CCDC190: variants seen among roughly 807,000 people sequenced by gnomAD.
CCDC190 encodes the protein coiled-coil domain containing 190.
In CCDC190, 10 loss-of-function variants were observed where a neutral mutation model predicts 13.1. The ratio of observed to expected loss-of-function variants is 0.77; its 90% CI spans 0.47 to 1.30. The LOEUF (loss-of-function observed/expected upper bound fraction) is 1.30. Among genes scored for constraint, CCDC190 ranks in the 50% most tolerant of loss-of-function variants. The pLI, the probability that CCDC190 is intolerant of heterozygous loss-of-function variation, is 0.00. For missense variants in CCDC190, 375 were observed against 354.3 expected (o/e 1.06, Z -0.47); for synonymous variants, 136 against 127.2 (o/e 1.07, Z -0.47).
Position 162,853,195 on chromosome 1 carries a change from G to GT in CCDC190, c.*1569dup. 1 of 1,522,568 alleles carries GT rather than the reference G, an allele frequency of 6.6e-7. No homozygotes were observed. Among genetic ancestry groups the GT allele is most frequent in the South Asian group, 1.2e-5 (1 of 80,328 alleles). 94.3% of individuals were successfully genotyped at this position (1,522,568 alleles called of 1,614,324 possible). On this transcript the variant is annotated 3_prime_UTR_variant, in exon 4 of 4. Coordinates refer to ENST00000367912, the MANE Select transcript of CCDC190 (RefSeq NM_001394065.1). ...ACTGACTCTCAAATGTTTGATCTAA[G>GT]TTTTTGTCTTCAGATAGGTGGTAGT... is the stretch of plus-strand genomic sequence containing the variant.
chr1:162,868,534 C>G (rs572741141), intron 1 of CCDC190: 9 of 100,250 alleles, frequency 9.0e-5, no homozygotes, highest in Admixed American at 7.5e-4. Flanking sequence ...CCTGCAGGAC[C>G]CGGGAGAACA....
In CCDC190 at chr1:162,852,821, G is replaced by T. The variant is rs1176902844; in HGVS notation, c.*1944C>A. On this transcript the variant is annotated 3_prime_UTR_variant, in exon 4 of 4. Transcript: ENST00000367912. ...GCTGTGAGAGCTAGTACAGTGAAAA[G>T]ACCCACTTAGCAGTGACAAACCATT... is the stretch of plus-strand genomic sequence containing the variant. 5 of 367,208 alleles carry T rather than the reference G, an allele frequency of 1.4e-5. No individual in the cohort carries two copies. Among genetic ancestry groups the T allele is most frequent in the Non-Finnish European group, 2.5e-5 (5 of 199,274 alleles). The allele number at this position is 367,208 out of a possible 1,614,324, so 22.7% of individuals were successfully genotyped here.
chr1:162,864,030 A>C (rs1399233868), upstream of CCDC190, among the ~76,000 whole-genome samples: 2 of 126,720 alleles, frequency 1.6e-5, no homozygotes, highest in African/African-American at 2.7e-5. Context: ...AAAAAATATC[A>C]ATGAATCTCA....
chr1:162,858,774 T>C (rs1403164865), intron 2 of CCDC190, among the ~76,000 whole-genome samples: 1 of 152,236 alleles, frequency 6.6e-6, no homozygotes, highest in East Asian at 1.9e-4. Context: ...AACTAGTTTC[T>C]ACAGACTGTA....
At chr1:162,855,794 G>T in intron 2 of CCDC190, 39 bp from the exon 3 acceptor site, 1 of 1,548,750 alleles carries the variant, frequency 6.5e-7, no homozygotes, top group East Asian at 2.4e-5. Flanking sequence ...GAGTTGGATT[G>T]TGTCCTTAAA....
At chr1:162,861,904 G>A (rs769601759), upstream of CCDC190, among the ~76,000 whole-genome samples, 3 of 152,048 alleles carry the variant, frequency 2.0e-5, no homozygotes, top group Admixed American at 2.0e-4. Context: ...GAGGCAGGCA[G>A]CTAAACAGGC....
rs183587039 is a variant in CCDC190 at position 162,857,706 on chromosome 1, C to T, written c.187+1754G>A. ...ATCTTAGCTAAATTCCTTTGATAGA[C>T]ACAGGAACCTTTTTATGTTCCTGCC... is the stretch of plus-strand genomic sequence containing the variant. On this transcript the variant is annotated intron_variant, in intron 2 of 3. Coordinates refer to ENST00000367912, the MANE Select transcript of CCDC190 (RefSeq NM_001394065.1). Among the ~76,000 whole-genome samples the T allele has an allele frequency of 2.7e-3, 408 of 152,256 alleles. 6 individuals are homozygous for T. The highest frequency in any genetic ancestry group is 9.2e-3 in the African/African-American group (384 of 41,534).
chr1:162,857,767 A>C (rs60452984), intron 2 of CCDC190, among the ~76,000 whole-genome samples: 97 of 152,292 alleles, frequency 6.4e-4, no homozygotes, highest in African/African-American at 2.3e-3. Context: ...AGTTTTGATC[A>C]TCATTTTTTA....
chr1:162,856,930 G>A (rs1174729112), intron 2 of CCDC190, among the ~76,000 whole-genome samples: 1 of 152,090 alleles, frequency 6.6e-6, no homozygotes, highest in East Asian at 1.9e-4. Flanking sequence ...CTCCCAGCAA[G>A]ATCTGTTTTC....
chr1:162,856,521 C>T (rs780916633), intron 2 of CCDC190, among the ~76,000 whole-genome samples: 26 of 152,198 alleles, frequency 1.7e-4, no homozygotes, highest in Non-Finnish European at 3.2e-4. Context: ...AACTGCCAGC[C>T]GTGACTAAGT....
upstream of CCDC190, among the ~76,000 whole-genome samples, chr1:162,861,411 C>A (rs1558113546): frequency 1.3e-5 from 2 of 151,910 alleles, no homozygotes; most frequent in African/African-American, 2.4e-5. Context: ...ATCTCTCTCT[C>A]TCCTACCCTT....
upstream of CCDC190, among the ~76,000 whole-genome samples, chr1:162,865,647 T>C (rs1181373466): frequency 3.3e-5 from 5 of 152,186 alleles, no homozygotes; most frequent in African/African-American, 4.8e-5. Context: ...CAACATGATT[T>C]AACCATATTA....
In CCDC190 at chr1:162,853,161, G is replaced by C; in HGVS notation, c.*1604C>G. 1 of 1,543,766 alleles carries C rather than the reference G, an allele frequency of 6.5e-7. No individual in the cohort carries two copies. Among genetic ancestry groups the C allele is most frequent in the Non-Finnish European group, 8.7e-7 (1 of 1,143,526 alleles). ...CTCCCCATTGAAGGCCAGAGGCTGG[G>C]CTGATGAAACTGACTCTCAAATGTT... On this transcript the variant is annotated 3_prime_UTR_variant, in exon 4 of 4. Coordinates refer to ENST00000367912, the MANE Select transcript of CCDC190 (RefSeq NM_001394065.1).
rs16845991 is a variant in CCDC190 at position 162,857,014 on chromosome 1, A to G, written c.188-1259T>C. Among the ~76,000 whole-genome samples, 1,400 of 152,250 alleles carry G rather than the reference A, an allele frequency of 9.2e-3. 17 individuals carry two copies. The highest frequency in any genetic ancestry group is 0.032 in the African/African-American group (1,310 of 41,540). Reference sequence around the variant, plus strand: ...TTCTCTGAAACTTGATGTTTCTCCAATGTTCTCTCTGTGAAGGTATGGTAC... The same window carrying G: ...TTCTCTGAAACTTGATGTTTCTCCAGTGTTCTCTCTGTGAAGGTATGGTAC... On this transcript the variant is annotated intron_variant, in intron 2 of 3. Coordinates refer to ENST00000367912, the MANE Select transcript of CCDC190 (RefSeq NM_001394065.1).
chr1:162,865,545 G>A (rs760195220), upstream of CCDC190, among the ~76,000 whole-genome samples: 17 of 152,046 alleles, frequency 1.1e-4, no homozygotes, highest in Non-Finnish European at 1.9e-4. Flanking sequence ...ATTCTGTTTC[G>A]TGTCGCTATA....
At chr1:162,864,385 C>T (rs1650628518), upstream of CCDC190, among the ~76,000 whole-genome samples, 1 of 151,984 alleles carries the variant, frequency 6.6e-6, no homozygotes, top group South Asian at 2.1e-4. Flanking sequence ...GGTAATTCTT[C>T]AAGCAAAAGA....
chr1:162,865,097 A>T (rs541052627), upstream of CCDC190, among the ~76,000 whole-genome samples: 1 of 152,254 alleles, frequency 6.6e-6, no homozygotes, highest in East Asian at 1.9e-4. Context: ...AAATAAAAGA[A>T]ATTAGAGAAA....
Position 162,853,031 on chromosome 1 carries a change from A to G in CCDC190, c.*1734T>C. On this transcript the variant is annotated 3_prime_UTR_variant, in exon 4 of 4. Transcript: ENST00000367912. The stretch of plus-strand genomic sequence containing the variant: ...AAATAAATTAAGTTTTTGTGAATCA[A>G]TCAGTTCTGTCACTTATGGCCTGCC... 8.0e-7 allele frequency: 1 copy of G among 1,245,790 alleles called. No individual in the cohort carries two copies. Among genetic ancestry groups the G allele is most frequent in the Non-Finnish European group, 1.1e-6 (1 of 871,144 alleles). The allele number at this position is 1,245,790 out of a possible 1,614,324, so 77.2% of individuals were successfully genotyped here.
chr1:162,855,874 G>A, intron 2 of CCDC190, 119 bp from the exon 3 acceptor site: 1 of 868,540 alleles, frequency 1.2e-6, no homozygotes, highest in South Asian at 1.8e-5. Flanking sequence ...GGTCTTTACA[G>A]AGAAAATCAA....
Sources: gnomAD v4.1 joint callset for allele counts (sites outside exome capture counted in the v4.1 genomes callset) on GRCh38, gnomAD v4.1.1 for gene constraint, MANE v1.5 for transcripts, NCBI Gene and HGNC (gene_info 2026-07-23, HGNC 2026-07-21) for gene names.